ROBO1: variants seen among roughly 807,000 people sequenced by gnomAD.
ROBO1 encodes roundabout homolog 1.
A neutral mutation model predicts 195.9 loss-of-function variants in ROBO1; 149 were observed. The observed-to-expected ratio is 0.76, with a 90% CI of 0.67 to 0.87. ROBO1 has a LOEUF of 0.87. ROBO1 is among the 40% of genes least tolerant of loss of function. ROBO1 has a pLI of 0.00. For synonymous variants in ROBO1, 816 were observed against 733.2 expected, an observed-to-expected ratio of 1.11 and a Z score of -1.82; for missense variants, 1,933 against 2,068.3, an observed-to-expected ratio of 0.93 and a Z score of 1.27.
At chr3:78,907,280 C>CA (rs1178677339) in intron 4 of ROBO1, among the ~76,000 whole-genome samples, 1 of 151,480 alleles carries the variant, frequency 6.6e-6, no homozygotes, top group Non-Finnish European at 1.5e-5. Flanking sequence ...ATGAGAATCA[C>CA]AAAAAAACAA....
intron 4 of ROBO1, among the ~76,000 whole-genome samples, chr3:78,834,572 G>A (rs376443936): frequency 6.6e-6 from 1 of 151,426 alleles, no homozygotes; most frequent in South Asian, 2.1e-4. Flanking sequence ...TCATCATCAG[G>A]GTGCATATGC....
chr3:79,581,285 G>A (rs1296620916), intron 2 of ROBO1, among the ~76,000 whole-genome samples: 12 of 151,996 alleles, frequency 7.9e-5, no homozygotes, highest in Admixed American at 2.6e-4. Flanking sequence ...ACTTATACCC[G>A]TCCATATGAG....
At chr3:79,171,919 T>TTGTTTGTG (rs1296845610) in intron 2 of ROBO1, among the ~76,000 whole-genome samples, 4 of 152,090 alleles carry the variant, frequency 2.6e-5, no homozygotes, top group Non-Finnish European at 5.9e-5. Context: ...ACAAACAGCT[T>TTGTTTGTG]TCCTTTGGAG....
intron 1 of ROBO1, among the ~76,000 whole-genome samples, chr3:79,590,524 G>A (rs1560019894): frequency 6.6e-6 from 1 of 151,696 alleles, no homozygotes; most frequent in African/African-American, 2.4e-5. Flanking sequence ...TAGTGTCCTT[G>A]TAAAAAAACA....
intron 8 of ROBO1, among the ~76,000 whole-genome samples, chr3:78,704,755 T>C (rs575346418): frequency 1.3e-5 from 2 of 151,370 alleles, no homozygotes; most frequent in East Asian, 3.9e-4. Context: ...AGGGAGAGGA[T>C]TGCTTCAGCC....
chr3:79,170,346 A>G (rs1294939630), intron 2 of ROBO1, among the ~76,000 whole-genome samples: 6 of 152,184 alleles, frequency 3.9e-5, no homozygotes, highest in African/African-American at 1.4e-4. Context: ...TATTTATCAG[A>G]AAATTTAAAT....
chr3:79,084,934 T>G (rs1042997490), intron 3 of ROBO1, among the ~76,000 whole-genome samples: 3 of 152,106 alleles, frequency 2.0e-5, no homozygotes, highest in Non-Finnish European at 2.9e-5. Context: ...TTGAAAAATA[T>G]AAAATTATAA....
intron 2 of ROBO1, among the ~76,000 whole-genome samples, chr3:79,226,403 A>C (rs1334636181): frequency 6.6e-6 from 1 of 152,140 alleles, no homozygotes; most frequent in African/African-American, 2.4e-5. Context: ...TTAACGGCAC[A>C]CCAAGTCTTC....
intron 1 of ROBO1, among the ~76,000 whole-genome samples, chr3:79,746,099 T>C (rs964115954): frequency 2.0e-5 from 3 of 152,128 alleles, no homozygotes; most frequent in Non-Finnish European, 4.4e-5. Flanking sequence ...ATTTCTATCA[T>C]AAGTGGGATA....
At chr3:79,668,576 C>T (rs1034324754) in intron 1 of ROBO1, among the ~76,000 whole-genome samples, 4 of 151,314 alleles carry the variant, frequency 2.6e-5, no homozygotes, top group African/African-American at 7.3e-5. Context: ...ATCATTCAGC[C>T]CAGGGAAAGA....
At chr3:78,691,585 T>C (rs1338696836) in intron 8 of ROBO1, among the ~76,000 whole-genome samples, 1 of 152,182 alleles carries the variant, frequency 6.6e-6, no homozygotes, top group African/African-American at 2.4e-5. Context: ...CTGACAAGCA[T>C]AATCAAAATT....
Position 78,860,504 on chromosome 3 carries a change from T to C in ROBO1, c.499+78097A>G, listed in dbSNP as rs2034767159. Among the ~76,000 whole-genome samples the C allele has an allele frequency of 2.6e-5, 4 of 151,478 alleles. No homozygotes were observed. The South Asian group carries it at 8.3e-4, about 31-fold the overall frequency. On this transcript the variant is annotated intron_variant, in intron 4 of 30. Transcript: ENST00000464233. ...ATTTTTACCAGGAGACTAAGAGAGA[T>C]GACCAAAACAAAATCATCATAATAA... is the stretch of plus-strand genomic sequence containing the variant.
At chr3:78,697,107 CT>C (rs2081317454) in intron 8 of ROBO1, among the ~76,000 whole-genome samples, 1 of 151,588 alleles carries the variant, frequency 6.6e-6, no homozygotes, top group Non-Finnish European at 1.5e-5. Flanking sequence ...GACTTTCTTC[CT>C]TTTTGAATGT....
chr3:79,018,684 G>A (rs2108261739), intron 3 of ROBO1: 1 of 1,363,736 alleles, frequency 7.3e-7, no homozygotes, highest in Non-Finnish European at 9.5e-7. Flanking sequence ...GTCTTCTCCG[G>A]CCCCAGGATT....
At chr3:79,114,414 A>G (rs2079951592) in intron 3 of ROBO1, among the ~76,000 whole-genome samples, 1 of 152,202 alleles carries the variant, frequency 6.6e-6, no homozygotes, top group African/African-American at 2.4e-5. Flanking sequence ...CGCTTTGCAG[A>G]TATAGTAGCA....
At chr3:79,628,314 T>C (rs904360767) in intron 1 of ROBO1, among the ~76,000 whole-genome samples, 1 of 152,184 alleles carries the variant, frequency 6.6e-6, no homozygotes, top group Non-Finnish European at 1.5e-5. Flanking sequence ...TAAAAAGGAA[T>C]GAGATTATGT....
chr3:79,639,941 C>T (rs960945311), intron 1 of ROBO1, among the ~76,000 whole-genome samples: 1 of 152,144 alleles, frequency 6.6e-6, no homozygotes, highest in African/African-American at 2.4e-5. Context: ...GCATCTGCAT[C>T]AGTAGCTTGT....
chr3:78,798,574 T>G (rs1441780868), intron 4 of ROBO1, among the ~76,000 whole-genome samples: 1 of 152,190 alleles, frequency 6.6e-6, no homozygotes, highest in Non-Finnish European at 1.5e-5. Context: ...CATCTTTTTA[T>G]TATCAGCATG....
At chr3:79,434,670 C>T (rs2038815470) in intron 2 of ROBO1, among the ~76,000 whole-genome samples, 1 of 152,140 alleles carries the variant, frequency 6.6e-6, no homozygotes, top group African/African-American at 2.4e-5. Flanking sequence ...CCTCAAGGAT[C>T]TAGATCTATT....
Sources: gnomAD v4.1 joint callset for allele counts (sites outside exome capture counted in the v4.1 genomes callset) on GRCh38, gnomAD v4.1.1 for gene constraint, MANE v1.5 for transcripts, NCBI Gene and HGNC (gene_info 2026-07-23, HGNC 2026-07-21) for gene names.